NCKAP5: variants seen among roughly 807,000 people sequenced by gnomAD.
NCKAP5 encodes the protein NCK associated protein 5.
Under a neutral mutation model 167.0 loss-of-function variants are expected in NCKAP5, and 92 were observed. That is an observed-to-expected ratio of 0.55 (90% CI 0.47 to 0.66). NCKAP5 has a LOEUF of 0.66. Ranked by LOEUF, NCKAP5 falls within the 30% of genes least tolerant of loss-of-function variation. The pLI, the probability that NCKAP5 is intolerant of heterozygous loss-of-function variation, is 0.00. For missense variants in NCKAP5, 2,378 were observed against 2,315.0 expected, an observed-to-expected ratio of 1.03 and a Z score of -0.56; for synonymous variants, 891 against 877.4, an observed-to-expected ratio of 1.02 and a Z score of -0.27.
At chr2:133,414,736 T>A (rs1007450117) in intron 3 of NCKAP5, among the ~76,000 whole-genome samples, 9 of 152,350 alleles carry the variant, frequency 5.9e-5, no homozygotes, top group Admixed American at 5.2e-4. Context: ...ATAGTGGTGC[T>A]TTCTCTGAAT....
chr2:133,203,175 T>C (rs1177201710), intron 5 of NCKAP5, among the ~76,000 whole-genome samples: 1 of 152,008 alleles, frequency 6.6e-6, no homozygotes, highest in Non-Finnish European at 1.5e-5. Context: ...ATTAAGAAAA[T>C]GTGGCACATA....
At chr2:133,670,165 A>G in the NCKAP5 span, among the ~76,000 whole-genome samples, 1 of 152,172 alleles carries the variant, frequency 6.6e-6, no homozygotes, top group Non-Finnish European at 1.5e-5. Context: ...TAAAGCCTCT[A>G]TTTCCTCTCT....
chr2:133,215,704 A>C (rs983532474), intron 4 of NCKAP5, among the ~76,000 whole-genome samples: 2 of 152,218 alleles, frequency 1.3e-5, no homozygotes, highest in Non-Finnish European at 2.9e-5. Context: ...GTTGAGTAAC[A>C]GAAGCAAGTA....
intron 6 of NCKAP5, among the ~76,000 whole-genome samples, chr2:133,022,340 C>T (rs75857063): frequency 0.017 from 2,579 of 152,266 alleles, 70 homozygotes; most frequent in African/African-American, 0.056. Context: ...AGGAAGAAGG[C>T]TGCTCATTAT....
intron 16 of NCKAP5, among the ~76,000 whole-genome samples, chr2:132,743,779 C>G (rs955010021): frequency 6.6e-6 from 1 of 151,238 alleles, no homozygotes; most frequent in Non-Finnish European, 1.5e-5. Flanking sequence ...CAAAATATAC[C>G]TATTTATATG....
At chr2:132,711,711 C>G (rs1163167589) in intron 19 of NCKAP5, among the ~76,000 whole-genome samples, 1 of 152,118 alleles carries the variant, frequency 6.6e-6, no homozygotes, top group African/African-American at 2.4e-5. Flanking sequence ...GCAACCCAGA[C>G]AGACCCTCCT....
At chr2:132,953,028 T>A (rs2076235625) in intron 8 of NCKAP5, among the ~76,000 whole-genome samples, 1 of 152,232 alleles carries the variant, frequency 6.6e-6, no homozygotes, top group African/African-American at 2.4e-5. Context: ...TAAACATAGA[T>A]GTTGTTAGCT....
chr2:133,431,839 A>G (rs1690180519), intron 3 of NCKAP5: 1 of 152,174 alleles, frequency 6.6e-6, no homozygotes, highest in African/African-American at 2.4e-5. Flanking sequence ...AACAAACAAT[A>G]AGTTTTACTT....
intron 4 of NCKAP5, among the ~76,000 whole-genome samples, chr2:133,292,036 T>C (rs1214623019): frequency 6.6e-6 from 1 of 152,118 alleles, no homozygotes; most frequent in Non-Finnish European, 1.5e-5. Context: ...GGTAGGGTAA[T>C]GGAACTCCCT....
At chr2:132,708,998 T>TA (rs1688607368) in intron 19 of NCKAP5, among the ~76,000 whole-genome samples, 1 of 152,124 alleles carries the variant, frequency 6.6e-6, no homozygotes, top group African/African-American at 2.4e-5. Flanking sequence ...AAGGACTTTT[T>TA]AAAAAGTTTA....
intron 6 of NCKAP5, among the ~76,000 whole-genome samples, chr2:133,098,553 C>A (rs534474133): frequency 6.6e-6 from 1 of 151,922 alleles, no homozygotes; most frequent in Non-Finnish European, 1.5e-5. Flanking sequence ...GGTAAAATTC[C>A]GAGACAAATA....
At chr2:133,652,598 A>G in the NCKAP5 span, among the ~76,000 whole-genome samples, 3 of 152,172 alleles carry the variant, frequency 2.0e-5, no homozygotes, top group African/African-American at 7.2e-5. Flanking sequence ...TGCCAACATC[A>G]TTACACATTT....
At chr2:133,232,738 A>C (rs2150255448) in intron 4 of NCKAP5, among the ~76,000 whole-genome samples, 1 of 152,338 alleles carries the variant, frequency 6.6e-6, no homozygotes, top group African/African-American at 2.4e-5. Context: ...AAGAAAAACA[A>C]GATAGGCTCT....
intron 3 of NCKAP5, among the ~76,000 whole-genome samples, chr2:133,446,194 A>G (rs1298435228): frequency 1.3e-5 from 2 of 152,212 alleles, no homozygotes. Context: ...AATAATTAGA[A>G]AACTGAAAAG....
At chr2:133,412,172 G>A (rs1053419700) in intron 3 of NCKAP5, among the ~76,000 whole-genome samples, 1 of 152,134 alleles carries the variant, frequency 6.6e-6, no homozygotes, top group African/African-American at 2.4e-5. Context: ...ATTAGCTCGC[G>A]AGGATAGAGC....
At chr2:133,673,764 A>G in the NCKAP5 span, among the ~76,000 whole-genome samples, 2 of 152,194 alleles carry the variant, frequency 1.3e-5, no homozygotes, top group Admixed American at 6.5e-5. Flanking sequence ...CTGGCACATT[A>G]AAGATTAATA....
intron 19 of NCKAP5, among the ~76,000 whole-genome samples, chr2:132,714,604 G>A (rs1689178462): frequency 6.6e-6 from 1 of 152,084 alleles, no homozygotes; most frequent in African/African-American, 2.4e-5. Context: ...GATCACCTGA[G>A]GTTGGGAGTT....
chr2:132,752,917 T>C (rs1167412566), intron 16 of NCKAP5, among the ~76,000 whole-genome samples: 1 of 152,180 alleles, frequency 6.6e-6, no homozygotes, highest in Non-Finnish European at 1.5e-5. Flanking sequence ...AGTTGAAAGG[T>C]AGTCAGGCAG....
At chr2:133,097,121 A>C (rs1574019860) in intron 6 of NCKAP5, among the ~76,000 whole-genome samples, 1 of 152,100 alleles carries the variant, frequency 6.6e-6, no homozygotes, top group Admixed American at 6.6e-5. Context: ...ATGTGTCACA[A>C]CTTCTAGATT....
Sources: gnomAD v4.1 joint callset for allele counts (sites outside exome capture counted in the v4.1 genomes callset) on GRCh38, gnomAD v4.1.1 for gene constraint, MANE v1.5 for transcripts, NCBI Gene and HGNC (gene_info 2026-07-23, HGNC 2026-07-21) for gene names.